Variants in THUMPD2 observed in about 807,000 individuals in gnomAD.
THUMPD2 encodes THUMP domain 2 tRNA and snRNA guanosine methyltransferase, also known as U6 snRNA (guanine-N(2))-methyltransferase THUMPD2.
In THUMPD2, 56 loss-of-function variants were observed where a neutral mutation model predicts 49.4. The observed-to-expected ratio is 1.13, with a 90% CI of 0.91 to 1.41. The LOEUF is 1.41. Ranked by LOEUF, THUMPD2 falls within the 40% of genes most tolerant of loss-of-function variation. The probability of loss-of-function intolerance (pLI) is 0.00; values close to 1 mark genes in which losing one functional copy is unlikely to be tolerated. For missense variants in THUMPD2, 709 were observed against 594.5 expected, an observed-to-expected ratio of 1.19 and a Z score of -2.00; for synonymous variants, 237 against 205.2, an observed-to-expected ratio of 1.15 and a Z score of -1.32.
chr2:39,777,817 C>T (rs546622714), intron 1 of THUMPD2, among the ~76,000 whole-genome samples: 173 of 152,260 alleles, frequency 1.1e-3, no homozygotes, highest in Non-Finnish European at 2.0e-3. Context: ...AAAGTTTTCC[C>T]CATTTCATTT....
chr2:39,779,076 C>T (rs1349641970), intron 1 of THUMPD2, 38 bp downstream of exon 1: 2 of 1,480,804 alleles, frequency 1.4e-6, no homozygotes, highest in Admixed American at 2.3e-5. Context: ...AGGGACAGGG[C>T]CGCCCACCTC....
At chr2:39,768,043 A>G (rs1028848512) in intron 4 of THUMPD2, among the ~76,000 whole-genome samples, 10 of 152,172 alleles carry the variant, frequency 6.6e-5, no homozygotes, top group Admixed American at 3.3e-4. Flanking sequence ...TTAACATACT[A>G]TTGAATTTTG....
chr2:39,778,018 T>C (rs1679342129), intron 1 of THUMPD2, among the ~76,000 whole-genome samples: 1 of 152,228 alleles, frequency 6.6e-6, no homozygotes, highest in Non-Finnish European at 1.5e-5. Flanking sequence ...ATACTCATTC[T>C]TGATTTCCCA....
Position 39,779,090 on chromosome 2 carries a change from A to T in THUMPD2, c.126+24T>A, listed in dbSNP as rs763445598. 1.3e-5 allele frequency: 20 copies of T among 1,495,320 alleles called. No homozygotes were observed. In the Admixed American group the frequency reaches 4.1e-4, roughly 31 times the overall value. 92.6% of individuals were successfully genotyped at this position (1,495,320 alleles called of 1,614,324 possible). A position where few individuals can be genotyped will look rare whatever the true frequency, so the allele number is the denominator to read the frequency against. ...CAGGGACAGGGCCGCCCACCTCCCC[A>T]GGCGCGCAGCGAGGCCAACTCACCT... On this transcript the variant is annotated intron_variant, in intron 1 of 9. Transcript: ENST00000505747.
At chr2:39,745,185 A>C (rs888798252) in intron 8 of THUMPD2, among the ~76,000 whole-genome samples, 1 of 152,176 alleles carries the variant, frequency 6.6e-6, no homozygotes, top group Non-Finnish European at 1.5e-5. Context: ...TTAAATACTC[A>C]TAAGACAGAT....
chr2:39,747,533 C>T (rs72805046), intron 8 of THUMPD2, among the ~76,000 whole-genome samples: 89 of 152,192 alleles, frequency 5.8e-4, no homozygotes, highest in Admixed American at 7.9e-4. Flanking sequence ...AATAACTATG[C>T]TCTTTATTTT....
chr2:39,738,667 A>ATG (rs1321215902), intron 9 of THUMPD2, among the ~76,000 whole-genome samples: 4 of 94,838 alleles, frequency 4.2e-5, no homozygotes, highest in African/African-American at 1.9e-4. Flanking sequence ...TATAAATTAT[A>ATG]TGTATATATA....
At chr2:39,758,458 G>A (rs996687295) in intron 6 of THUMPD2, among the ~76,000 whole-genome samples, 1 of 152,156 alleles carries the variant, frequency 6.6e-6, no homozygotes, top group African/African-American at 2.4e-5. Context: ...CCAGAAAAAG[G>A]AACATGTGTG....
intron 6 of THUMPD2, among the ~76,000 whole-genome samples, chr2:39,756,920 A>AATC (rs1332850025): frequency 6.8e-6 from 1 of 147,226 alleles, no homozygotes; most frequent in Non-Finnish European, 1.5e-5. Context: ...TAATAATAAT[A>AATC]ATAATAATAA....
intron 9 of THUMPD2, among the ~76,000 whole-genome samples, chr2:39,740,925 T>C (rs1673808887): frequency 1.3e-5 from 2 of 152,260 alleles, no homozygotes; most frequent in South Asian, 4.1e-4. Context: ...TTGTCCGGGC[T>C]AGTCTTGAAT....
rs796331058 is a variant in THUMPD2, at chr2:39,765,661, CCTTT to C, written c.803+392_803+395del. Among the ~76,000 whole-genome samples the C allele has an allele frequency of 4.1e-4, 62 of 151,562 alleles. 1 individual carries two copies. Among genetic ancestry groups the C allele is most frequent in the African/African-American group, 1.3e-3 (53 of 41,260 alleles). ...ATGTCCATCTTTTCGTTTTCTCCAC[CCTTT>C]CTGTCTTTAAAATTGTCAAAGAATT... On this transcript the variant is annotated intron_variant, in intron 5 of 9. Coordinates refer to ENST00000505747, the MANE Select transcript of THUMPD2 (RefSeq NM_025264.5).
At chr2:39,764,270 A>C (rs923879504) in intron 5 of THUMPD2, among the ~76,000 whole-genome samples, 1 of 152,206 alleles carries the variant, frequency 6.6e-6, no homozygotes, top group Non-Finnish European at 1.5e-5. Flanking sequence ...AAAGATTTTC[A>C]CGTGGGTTAT....
At chr2:39,742,848 T>C (rs1674087264) in intron 9 of THUMPD2, among the ~76,000 whole-genome samples, 1 of 152,150 alleles carries the variant, frequency 6.6e-6, no homozygotes, top group South Asian at 2.1e-4. Context: ...AAATGATTTT[T>C]ATATGAAGTC....
chr2:39,741,233 G>A (rs1673861604), intron 9 of THUMPD2, among the ~76,000 whole-genome samples: 1 of 152,058 alleles, frequency 6.6e-6, no homozygotes, highest in Non-Finnish European at 1.5e-5. Context: ...GGAGTAGATG[G>A]TACAAATAAT....
intron 4 of THUMPD2, among the ~76,000 whole-genome samples, chr2:39,767,682 A>G (rs1677736212): frequency 6.6e-6 from 1 of 151,768 alleles, no homozygotes; most frequent in African/African-American, 2.4e-5. Context: ...CTTGGGATCA[A>G]AACATTTAGT....
Position 39,779,159 on chromosome 2 carries a change from C to T in THUMPD2, c.81G>A (p.Glu27=), listed in dbSNP as rs777662696. 2 of 1,521,700 alleles carry T rather than the reference C, an allele frequency of 1.3e-6. No homozygotes were observed. Among genetic ancestry groups the T allele is most frequent in the Non-Finnish European group, 1.8e-6 (2 of 1,140,166 alleles). The allele number at this position is 1,521,700 out of a possible 1,614,324, so 94.3% of individuals were successfully genotyped here. The change falls in exon 1 of 10, where the codon GAG becomes GAA. Residue 27 remains glutamate, a synonymous_variant. Coordinates refer to ENST00000505747, the MANE Select transcript of THUMPD2 (RefSeq NM_025264.5). ...CCCGCACCTCTCGCATTACGAACGG[C>T]TCCAGGCCGCGACCCGCAGTGCAGA... is the stretch of plus-strand genomic sequence containing the variant. ...RFFCTAGRGL[E]PFVMREVRAR...
intron 6 of THUMPD2, chr2:39,757,280 G>T: frequency 1.3e-6 from 1 of 765,766 alleles, no homozygotes; most frequent in Non-Finnish European, 2.0e-6. Flanking sequence ...CTCGAGATAG[G>T]GGAGAAAAGA....
At chr2:39,771,666 T>G (rs1461378228) in intron 1 of THUMPD2, 26 bp from the exon 2 acceptor site, 4 of 1,580,960 alleles carry the variant, frequency 2.5e-6, no homozygotes, top group Non-Finnish European at 3.4e-6. Context: ...CAGCTTTTAA[T>G]GTAGTCCAGT....
chr2:39,746,458 C>T (rs144142203), intron 8 of THUMPD2, among the ~76,000 whole-genome samples: 6 of 152,312 alleles, frequency 3.9e-5, no homozygotes, highest in South Asian at 2.1e-4. Context: ...GAACCATGAG[C>T]ACCTGACCGA....
Sources: gnomAD v4.1 joint callset for allele counts (sites outside exome capture counted in the v4.1 genomes callset) on GRCh38, gnomAD v4.1.1 for gene constraint, MANE v1.5 for transcripts, NCBI Gene and HGNC (gene_info 2026-07-23, HGNC 2026-07-21) for gene names.